Variants in PKN2 observed in about 807,000 individuals in gnomAD.
PKN2 encodes protein kinase N2.
PKN2 carries 38 observed loss-of-function variants against 119.1 expected under a neutral mutation model. The observed-to-expected ratio is 0.32, with a 90% CI of 0.25 to 0.42. PKN2 has a LOEUF of 0.42. PKN2 is among the 10% of genes least tolerant of loss of function. The pLI is 1.00. For synonymous variants in PKN2, 390 were observed against 384.9 expected (o/e 1.01, Z -0.15); for missense variants, 850 against 1,165.1 (o/e 0.73, Z 3.94).
chr1:88,769,928 G>A (rs1669814130), intron 3 of PKN2, among the ~76,000 whole-genome samples: 1 of 152,172 alleles, frequency 6.6e-6, no homozygotes, highest in South Asian at 2.1e-4. Flanking sequence ...CTGAAAATAT[G>A]CTAAGAGAGT....
At chr1:88,718,239 A>G (rs901030472) in intron 1 of PKN2, among the ~76,000 whole-genome samples, 1 of 152,194 alleles carries the variant, frequency 6.6e-6, no homozygotes, top group South Asian at 2.1e-4. Context: ...GGGCCCTACT[A>G]GGAGGTGTCT....
rs535359004 is a variant in PKN2 at position 88,735,480 on chromosome 1, C to A, written c.49-5508C>A. Among the ~76,000 whole-genome samples the A allele has an allele frequency of 4.0e-5, 6 of 150,558 alleles. No individual in the cohort carries two copies. The East Asian group carries it at 1.2e-3, about 30-fold the overall frequency. On this transcript the variant is annotated intron_variant, in intron 1 of 21. Transcript: ENST00000370521. ...CCTGGCCTATTTTTTTTTAACATTT[C>A]TTGTAAGACATATCTGATGATGATA...
intron 1 of PKN2, among the ~76,000 whole-genome samples, chr1:88,737,629 A>T (rs1204979579): frequency 6.6e-6 from 1 of 152,128 alleles, no homozygotes. Flanking sequence ...ATGCCAGAAC[A>T]CAAGTCTGTC....
chr1:88,804,486 G>T lies in PKN2; in HGVS notation c.1377G>T (p.Arg459=), dbSNP rs1451819569. The change falls in exon 9 of 22, where the codon CGG becomes CGT. Residue 459 remains arginine, a synonymous_variant. Transcript: ENST00000370521. The part of the protein sequence containing the change: ...LRLEDFLDNQ[R]HGMCLYLEPQ... ...TAGAAGATTTTTTAGACAACCAACG[G>T]CATGGCATGTGTCTCTATTTGGAAC... 1 of 1,613,372 alleles carries T rather than the reference G, an allele frequency of 6.2e-7. No individual in the cohort carries two copies. Among genetic ancestry groups the T allele is most frequent in the Admixed American group, 1.7e-5 (1 of 59,970 alleles).
chr1:88,834,002 G>C lies in PKN2; in HGVS notation c.*554G>C, dbSNP rs1397419062. 1 of 151,772 alleles carries C rather than the reference G, an allele frequency of 6.6e-6. No homozygotes were observed. 9.4% of individuals were successfully genotyped at this position (151,772 alleles called of 1,614,324 possible). A position where few individuals can be genotyped will look rare whatever the true frequency, so the allele number is the denominator to read the frequency against. On this transcript the variant is annotated 3_prime_UTR_variant, in exon 22 of 22. Coordinates refer to ENST00000370521, the MANE Select transcript of PKN2 (RefSeq NM_006256.4). ...TTGATTTTTTTTAAAAAAACAGAAT[G>C]AATTGATGTCTTATTTTATAAATGT...
chr1:88,834,461 A>C lies in PKN2; in HGVS notation c.*1013A>C, dbSNP rs1273454991. On this transcript the variant is annotated 3_prime_UTR_variant, in exon 22 of 22. Transcript: ENST00000370521. Reference sequence around the variant, plus strand: ...ATTCTATGTTGTAGGCTTATTATTTAATTTTACCACTTCATCACTTTTGTA... The same window carrying C: ...ATTCTATGTTGTAGGCTTATTATTTCATTTTACCACTTCATCACTTTTGTA... 6.6e-6 allele frequency: 1 copy of C among 152,426 alleles called. No homozygotes were observed. The highest frequency in any genetic ancestry group is 1.5e-5 in the Non-Finnish European group (1 of 67,958). 9.4% of individuals were successfully genotyped at this position (152,426 alleles called of 1,614,324 possible).
chr1:88,829,486 G>A (rs940010401), intron 19 of PKN2: 9 of 188,408 alleles, frequency 4.8e-5, no homozygotes, highest in South Asian at 1.1e-4. Context: ...GAAAAAATTC[G>A]CATTTTTTCC....
intron 10 of PKN2, among the ~76,000 whole-genome samples, 187 bp downstream of exon 10, chr1:88,805,108 C>T (rs988561271): frequency 2.0e-5 from 3 of 152,098 alleles, no homozygotes; most frequent in East Asian, 1.9e-4. Flanking sequence ...TACAGTCACC[C>T]GGCTTCAACA....
intron 1 of PKN2, among the ~76,000 whole-genome samples, chr1:88,717,123 C>T (rs2100697373): frequency 6.6e-6 from 1 of 152,186 alleles, no homozygotes; most frequent in East Asian, 1.9e-4. Flanking sequence ...AATATTGGCC[C>T]CCACTCTCTT....
intron 1 of PKN2, among the ~76,000 whole-genome samples, chr1:88,732,848 T>C (rs1431297299): frequency 6.6e-6 from 1 of 152,188 alleles, no homozygotes; most frequent in Non-Finnish European, 1.5e-5. Context: ...AATAATGAAA[T>C]CTTGTCATTT....
intron 1 of PKN2, among the ~76,000 whole-genome samples, chr1:88,690,297 CAAAT>C (rs1196281132): frequency 6.6e-6 from 1 of 152,134 alleles, no homozygotes; most frequent in African/African-American, 2.4e-5. Flanking sequence ...TACTTTTAAA[CAAAT>C]AAAGTAGTAG....
At chr1:88,712,566 G>C (rs1218274337) in intron 1 of PKN2, among the ~76,000 whole-genome samples, 1 of 152,122 alleles carries the variant, frequency 6.6e-6, no homozygotes. Flanking sequence ...GAATTATTAA[G>C]AATGTAATGA....
intron 2 of PKN2, among the ~76,000 whole-genome samples, chr1:88,748,997 G>A (rs572211514): frequency 6.6e-6 from 1 of 152,202 alleles, no homozygotes; most frequent in East Asian, 1.9e-4. Context: ...CACTATCAGT[G>A]AATGAGAATT....
At chr1:88,787,354 T>C (rs1470628816) in intron 8 of PKN2, among the ~76,000 whole-genome samples, 1 of 152,174 alleles carries the variant, frequency 6.6e-6, no homozygotes, top group Admixed American at 6.5e-5. Context: ...ATTTTTCTTA[T>C]AACAAGGTTA....
chr1:88,803,968 G>A (rs1469540927), intron 8 of PKN2, among the ~76,000 whole-genome samples: 1 of 152,148 alleles, frequency 6.6e-6, no homozygotes, highest in Non-Finnish European at 1.5e-5. Context: ...GCTTAGCAAT[G>A]AGACAAATAA....
intron 2 of PKN2, among the ~76,000 whole-genome samples, chr1:88,754,198 T>C (rs1269976338): frequency 3.3e-5 from 5 of 152,192 alleles, no homozygotes; most frequent in Non-Finnish European, 7.3e-5. Flanking sequence ...ACTATTTTCT[T>C]CCGAAACACC....
rs367761410 is a variant in PKN2 at position 88,813,620 on chromosome 1, C to T, written c.2166C>T (p.Asn722=). 1.7e-4 allele frequency: 268 copies of T among 1,609,128 alleles called. No individual in the cohort carries two copies. The highest frequency in any genetic ancestry group is 8.3e-4 in the Middle Eastern group (5 of 6,060). The part of the protein sequence containing the change: ...VNSVRHPFLV[N]LFACFQTKEH... Reference sequence around the variant, plus strand: ...GTGTAAGGCATCCCTTTTTGGTGAACCTTTTTGCATGTTTCCAAACCAAAG... The same window carrying T: ...GTGTAAGGCATCCCTTTTTGGTGAATCTTTTTGCATGTTTCCAAACCAAAG... Residue 722 remains asparagine (N), a synonymous_variant, in exon 16 of 22, where the codon AAC becomes AAT. Transcript: ENST00000370521.
At chr1:88,748,229 C>T (rs901427067) in intron 2 of PKN2, among the ~76,000 whole-genome samples, 1 of 152,206 alleles carries the variant, frequency 6.6e-6, no homozygotes, top group Non-Finnish European at 1.5e-5. Context: ...ATACATCTCC[C>T]TCATGTTCTT....
At position 88,684,551 on chromosome 1, in the gene PKN2, G is replaced by T; in HGVS notation, c.-30G>T. The T allele has an allele frequency of 6.6e-7, 1 of 1,525,234 alleles. No individual in the cohort carries two copies. Among genetic ancestry groups the T allele is most frequent in the Non-Finnish European group, 8.8e-7 (1 of 1,134,708 alleles). 94.5% of individuals were successfully genotyped at this position (1,525,234 alleles called of 1,614,324 possible). On this transcript the variant is annotated 5_prime_UTR_variant, in exon 1 of 22. Coordinates refer to ENST00000370521, the MANE Select transcript of PKN2 (RefSeq NM_006256.4). ...TTCTCCCTTCGCCAGAGGCGGCCGC[G>T]TCCAGGTGCGGAGTCCATACCGGAG...
Sources: gnomAD v4.1 joint callset for allele counts (sites outside exome capture counted in the v4.1 genomes callset) on GRCh38, gnomAD v4.1.1 for gene constraint, MANE v1.5 for transcripts, NCBI Gene and HGNC (gene_info 2026-07-23, HGNC 2026-07-21) for gene names.